RIMS2: variants seen among roughly 807,000 people sequenced by gnomAD.
RIMS2 encodes regulating synaptic membrane exocytosis protein 2.
Under a neutral mutation model 174.4 loss-of-function variants are expected in RIMS2, and 59 were observed. The ratio of observed to expected loss-of-function variants is 0.34; its 90% confidence interval spans 0.27 to 0.42. The LOEUF (loss-of-function observed/expected upper bound fraction) is 0.42, where lower values mean the gene tolerates loss of function less well. Among genes scored for constraint, RIMS2 ranks in the 10% least tolerant of loss-of-function variants. The pLI is 1.00. For missense variants in RIMS2, 1,620 were observed against 1,666.3 expected (o/e 0.97, Z 0.48); for synonymous variants, 606 against 572.5 (o/e 1.06, Z -0.84).
intron 2 of RIMS2, among the ~76,000 whole-genome samples, chr8:103,749,792 A>G (rs2139671048): frequency 6.6e-6 from 1 of 152,294 alleles, no homozygotes; most frequent in East Asian, 1.9e-4. Flanking sequence ...GATTACATAA[A>G]TGTTAACCAA....
intron 1 of RIMS2, among the ~76,000 whole-genome samples, chr8:103,664,066 T>G (rs1029296570): frequency 5.9e-5 from 9 of 152,220 alleles, no homozygotes; most frequent in Non-Finnish European, 1.3e-4. Context: ...CTGGGAAAAC[T>G]GGCTAGCCAT....
At chr8:104,139,371 A>C (rs1566637128) in intron 19 of RIMS2, among the ~76,000 whole-genome samples, 1 of 152,122 alleles carries the variant, frequency 6.6e-6, no homozygotes, top group Non-Finnish European at 1.5e-5. Context: ...ACATTTTAAC[A>C]ATATTGATTC....
intron 3 of RIMS2, chr8:103,880,410 G>A (rs772985829): frequency 1.3e-5 from 4 of 312,718 alleles, no homozygotes; most frequent in African/African-American, 8.6e-5. Flanking sequence ...CATAGTAACA[G>A]CATTAAAGAA....
At chr8:103,642,439 G>C (rs13439017) in intron 1 of RIMS2, among the ~76,000 whole-genome samples, 27,596 of 151,856 alleles carry the variant, frequency 0.18, 2,719 homozygotes, top group African/African-American at 0.26. Flanking sequence ...CCACATTTGA[G>C]AAACTGATAG....
intron 19 of RIMS2, among the ~76,000 whole-genome samples, chr8:104,036,133 TTTTATTTATTTA>T (rs142714435): frequency 1.7e-4 from 25 of 146,806 alleles, no homozygotes; most frequent in Admixed American, 7.4e-4. Context: ...ATTTATTTTA[TTTTATTTATTTA>T]TTTATTTATT....
intron 19 of RIMS2, among the ~76,000 whole-genome samples, 161 bp downstream of exon 24, chr8:104,093,804 A>G (rs2097705256): frequency 6.6e-6 from 1 of 152,110 alleles, no homozygotes; most frequent in African/African-American, 2.4e-5. Context: ...ATTTTAATCC[A>G]CATTTCAGAC....
intron 3 of RIMS2, among the ~76,000 whole-genome samples, chr8:103,774,508 T>C (rs2098290668): frequency 6.6e-6 from 1 of 152,186 alleles, no homozygotes. Context: ...ATCAATGAAG[T>C]GAGGGAACTA....
At chr8:103,608,783 A>T (rs909867681) in intron 1 of RIMS2, among the ~76,000 whole-genome samples, 1 of 152,126 alleles carries the variant, frequency 6.6e-6, no homozygotes, top group African/African-American at 2.4e-5. Flanking sequence ...CCTTTCTTTG[A>T]CTGGGAAAGG....
rs183274467 is a variant in RIMS2 at position 103,931,349 on chromosome 8, G to T, written c.2331G>T (p.Arg777Ser). 212 of 1,606,114 alleles carry T rather than the reference G, an allele frequency of 1.3e-4. No homozygotes were observed. Among genetic ancestry groups the T allele is most frequent in the Admixed American group, 3.4e-5 (2 of 58,524 alleles). The change falls in exon 12 of 24, where the codon AGG (arginine) becomes AGT (serine). Residue 777 changes from arginine (R) to serine (S), a missense_variant. Around this residue, in one of 2 missense-constraint regions of RIMS2, gnomAD observed 1,395 missense variants for 1,360.1 expected, o/e 1.03. Coordinates refer to ENST00000504942, the Ensembl canonical transcript of RIMS2. ...ATCTCCCTTCCAGGGAAGATGGGAG[G>T]CCAAGGAATCCTTATGTTAAAATTT...
chr8:103,708,068 T>C (rs1451715713), intron 2 of RIMS2, among the ~76,000 whole-genome samples: 1 of 152,224 alleles, frequency 6.6e-6, no homozygotes, highest in African/African-American at 2.4e-5. Flanking sequence ...GCAGGCATTC[T>C]CTAATGGATA....
At chr8:103,537,205 T>A (rs1191370029) in intron 1 of RIMS2, among the ~76,000 whole-genome samples, 2 of 152,178 alleles carry the variant, frequency 1.3e-5, no homozygotes, top group Non-Finnish European at 2.9e-5. Flanking sequence ...GGCTACATAG[T>A]TAGGAGCTCA....
chr8:104,249,431 T>C (rs1207843122), intron 21 of RIMS2, 56 bp from the exon 28 acceptor site: 1 of 900,608 alleles, frequency 1.1e-6, no homozygotes, highest in East Asian at 2.4e-5. Context: ...TTTGACTCTA[T>C]TTTCCTTAGT....
chr8:103,766,517 C>A, exon 3 of RIMS2: 1 of 1,612,122 alleles, frequency 6.2e-7, no homozygotes, highest in South Asian at 1.1e-5. Flanking sequence ...ATCACATTGC[C>A]AGTGACATAG....
chr8:104,193,000 G>A (rs1192579428), intron 19 of RIMS2, among the ~76,000 whole-genome samples: 1 of 152,098 alleles, frequency 6.6e-6, no homozygotes, highest in African/African-American at 2.4e-5. Flanking sequence ...AGGGTGGAGA[G>A]AGCTTCACGT....
rs565144282 is a variant in RIMS2, at chr8:103,942,737, T to C, written c.2548-36T>C. ...TTTAACATAATTTCTTTATTATTGG[T>C]ATATTATAACCGTCCTTTGTCTCTT... is the stretch of plus-strand genomic sequence containing the variant. On this transcript the variant is annotated intron_variant, in intron 13 of 23. Coordinates refer to ENST00000504942, the Ensembl canonical transcript of RIMS2. 4.9e-5 allele frequency: 71 copies of C among 1,446,404 alleles called. No homozygotes were observed. In the South Asian group the frequency reaches 8.6e-4, roughly 18 times the overall value. The allele number at this position is 1,446,404 out of a possible 1,614,324, so 89.6% of individuals were successfully genotyped here.
chr8:104,201,029 T>C (rs1371796494), intron 19 of RIMS2, among the ~76,000 whole-genome samples: 1 of 152,216 alleles, frequency 6.6e-6, no homozygotes, highest in Non-Finnish European at 1.5e-5. Context: ...GTTTGTTACA[T>C]GGGTAAATTG....
chr8:103,598,724 C>T (rs2094570758), intron 1 of RIMS2, among the ~76,000 whole-genome samples: 1 of 152,074 alleles, frequency 6.6e-6, no homozygotes, highest in East Asian at 1.9e-4. Flanking sequence ...CAAAGTCTTC[C>T]AAACCAAGAG....
At chr8:103,871,215 C>G (rs1387202314) in intron 3 of RIMS2, among the ~76,000 whole-genome samples, 3 of 152,128 alleles carry the variant, frequency 2.0e-5, no homozygotes, top group Non-Finnish European at 2.9e-5. Flanking sequence ...TCAAGACCAG[C>G]CTGACCAACA....
chr8:104,123,918 A>G (rs757859375), intron 19 of RIMS2, among the ~76,000 whole-genome samples: 42 of 152,128 alleles, frequency 2.8e-4, no homozygotes, highest in South Asian at 6.2e-4. Flanking sequence ...TCTAAAGTGG[A>G]TTTTCTTATA....
Sources: gnomAD v4.1 joint callset for allele counts (sites outside exome capture counted in the v4.1 genomes callset) on GRCh38, gnomAD v4.1.1 for gene constraint, gnomAD v4.1.1 regional missense constraint, MANE v1.5 for transcripts, NCBI Gene and HGNC (gene_info 2026-07-23, HGNC 2026-07-21) for gene names.